The following PID1 variants were observed in gnomAD, a reference collection of about 807,000 sequenced individuals.
PID1 encodes PTB-containing, cubilin and LRP1-interacting protein.
Under a neutral mutation model 19.1 loss-of-function variants are expected in PID1, and 10 were observed. That is an observed-to-expected ratio of 0.52 (90% confidence interval 0.32 to 0.89). The LOEUF (loss-of-function observed/expected upper bound fraction) is 0.89, where lower values mean the gene tolerates loss of function less well. Among genes scored for constraint, PID1 ranks in the 40% least tolerant of loss-of-function variants. PID1 has a pLI of 0.03. For missense variants in PID1, 248 were observed against 285.3 expected (o/e 0.87, Z 0.94); for synonymous variants, 130 against 116.0 (o/e 1.12, Z -0.78).
chr2:229,060,902 A>G (rs953706923), intron 2 of PID1, among the ~76,000 whole-genome samples: 3 of 151,924 alleles, frequency 2.0e-5, no homozygotes, highest in Admixed American at 6.6e-5. Context: ...GGCCATTTGT[A>G]TGTTTTCTTT....
chr2:229,269,036 C>T (rs1383519316), intron 1 of PID1, among the ~76,000 whole-genome samples: 1 of 152,130 alleles, frequency 6.6e-6, no homozygotes, highest in Non-Finnish European at 1.5e-5. Context: ...AATTTTTCCG[C>T]ATTTGTCTCA....
At position 229,155,792 on chromosome 2, in the gene PID1, A is replaced by G. The variant is rs751771832; in HGVS notation, c.177+26T>C. On this transcript the variant is annotated intron_variant, in intron 2 of 2. Coordinates refer to ENST00000392055, the MANE Select transcript of PID1 (RefSeq NM_001100818.2). ...TCTTTGAGGCTATCTCACCAAGAGA[A>G]CCCCTGCTGGCCACGTGCCCCATAC... 3 of 1,585,006 alleles carry G rather than the reference A, an allele frequency of 1.9e-6. No individual in the cohort carries two copies. In the East Asian group the frequency reaches 6.8e-5, roughly 36 times the overall value.
chr2:229,071,844 T>C (rs564814774), intron 2 of PID1, among the ~76,000 whole-genome samples: 1 of 152,354 alleles, frequency 6.6e-6, no homozygotes, highest in South Asian at 2.1e-4. Context: ...ACTCATTCTA[T>C]CTGTATTGTC....
chr2:229,029,825 G>A (rs1693508085), intron 2 of PID1, among the ~76,000 whole-genome samples: 1 of 140,456 alleles, frequency 7.1e-6, no homozygotes, highest in Non-Finnish European at 1.5e-5. Context: ...GGGTGACAGA[G>A]TGACACTCCG....
At chr2:229,156,522 A>C (rs138162334) in intron 1 of PID1, among the ~76,000 whole-genome samples, 2,150 of 152,254 alleles carry the variant, frequency 0.014, 39 homozygotes, top group East Asian at 0.091. Context: ...CATATGCAAC[A>C]TCCATTGGCT....
intron 1 of PID1, among the ~76,000 whole-genome samples, chr2:229,203,911 C>T (rs1691551191): frequency 6.6e-6 from 1 of 152,086 alleles, no homozygotes; most frequent in Non-Finnish European, 1.5e-5. Context: ...CAACTGTTTG[C>T]TTAATGATAA....
At chr2:229,030,655 C>T (rs1269720254) in intron 2 of PID1, among the ~76,000 whole-genome samples, 1 of 151,952 alleles carries the variant, frequency 6.6e-6, no homozygotes, top group Non-Finnish European at 1.5e-5. Flanking sequence ...TTTAAAAATA[C>T]TTCTAAAAAA....
chr2:229,122,311 C>A (rs1182702941), intron 2 of PID1, among the ~76,000 whole-genome samples: 1 of 152,138 alleles, frequency 6.6e-6, no homozygotes, highest in Admixed American at 6.6e-5. Flanking sequence ...ATAGTCCATA[C>A]AATATTTGGC....
At chr2:229,167,191 G>C (rs1690616191) in intron 1 of PID1, among the ~76,000 whole-genome samples, 1 of 152,054 alleles carries the variant, frequency 6.6e-6, no homozygotes, top group Non-Finnish European at 1.5e-5. Flanking sequence ...AATGTTTCAG[G>C]CATGAATCAT....
chr2:229,067,216 C>T (rs777473032), intron 2 of PID1, among the ~76,000 whole-genome samples: 3 of 152,050 alleles, frequency 2.0e-5, no homozygotes, highest in Non-Finnish European at 4.4e-5. Flanking sequence ...GGGTAACTGC[C>T]CCCATGATTA....
rs527772914 is a variant in PID1, at chr2:229,222,190, G to C, written c.30+48824C>G. ...CTTACCTCTAACTTCTATTCAACCT[G>C]ATCTTGGAACACTCCCCTTCATGCA... is the stretch of plus-strand genomic sequence containing the variant. On this transcript the variant is annotated intron_variant, in intron 1 of 2. Coordinates refer to ENST00000392055, the MANE Select transcript of PID1 (RefSeq NM_001100818.2). Among the ~76,000 whole-genome samples the C allele has an allele frequency of 2.6e-5, 4 of 152,190 alleles. No homozygotes were observed. The South Asian group carries it at 8.3e-4, about 32-fold the overall frequency.
intron 1 of PID1, among the ~76,000 whole-genome samples, chr2:229,231,377 G>T (rs1226981): frequency 0.26 from 39,951 of 151,874 alleles, 6,043 homozygotes; most frequent in East Asian, 0.65. Flanking sequence ...ACAGTCAATT[G>T]CCCCATCCCC....
At chr2:229,180,275 G>A (rs1203609904) in intron 1 of PID1, among the ~76,000 whole-genome samples, 1 of 152,090 alleles carries the variant, frequency 6.6e-6, no homozygotes, top group Admixed American at 6.5e-5. Context: ...AATTTTAAGT[G>A]TTATAAATAT....
At chr2:229,144,225 G>A (rs1250647876) in intron 2 of PID1, among the ~76,000 whole-genome samples, 3 of 152,086 alleles carry the variant, frequency 2.0e-5, no homozygotes. Flanking sequence ...CAAAAAAGGG[G>A]AAGAAAACAG....
At chr2:229,145,041 T>A (rs2106184757) in intron 2 of PID1, among the ~76,000 whole-genome samples, 1 of 151,504 alleles carries the variant, frequency 6.6e-6, no homozygotes, top group South Asian at 2.1e-4. Context: ...GAGTAGCAGG[T>A]AGACTTGTTC....
chr2:229,030,562 T>C (rs1693524691), intron 2 of PID1, among the ~76,000 whole-genome samples: 1 of 148,694 alleles, frequency 6.7e-6, no homozygotes, highest in Non-Finnish European at 1.5e-5. Flanking sequence ...GTAGAAAAAA[T>C]CCTGATTTGC....
intron 1 of PID1, among the ~76,000 whole-genome samples, chr2:229,186,316 C>A (rs543540341): frequency 6.6e-6 from 1 of 152,274 alleles, no homozygotes; most frequent in East Asian, 1.9e-4. Flanking sequence ...GTGGATCTAC[C>A]ATTCTGGAGT....
Position 229,184,372 on chromosome 2 carries a change from A to G in PID1, c.31-28408T>C, listed in dbSNP as rs28971579. Among the ~76,000 whole-genome samples the G allele has an allele frequency of 4.7e-5, 6 of 127,830 alleles. No individual in the cohort carries two copies. The South Asian group carries it at 1.5e-3, about 32-fold the overall frequency. 83.9% of individuals were successfully genotyped at this position (127,830 alleles called of 152,430 possible). A position where few individuals can be genotyped will look rare whatever the true frequency, so the allele number is the denominator to read the frequency against. On this transcript the variant is annotated intron_variant, in intron 1 of 2. Transcript: ENST00000392055. ...TATATATATCACACATATATATCCC[A>G]TATATATCTATCCCGTATATATCTA...
intron 1 of PID1, among the ~76,000 whole-genome samples, chr2:229,233,519 T>G: frequency 6.9e-6 from 1 of 144,528 alleles, no homozygotes; most frequent in Admixed American, 7.1e-5. Flanking sequence ...TGAAATGGAG[T>G]CTCACTCTAT....
Sources: gnomAD v4.1 joint callset for allele counts (sites outside exome capture counted in the v4.1 genomes callset) on GRCh38, gnomAD v4.1.1 for gene constraint, MANE v1.5 for transcripts, NCBI Gene and HGNC (gene_info 2026-07-23, HGNC 2026-07-21) for gene names.